The following TRIO variants were observed in gnomAD, a reference collection of about 807,000 sequenced individuals.
TRIO encodes triple functional domain protein.
TRIO carries 58 observed loss-of-function variants against 351.9 expected under a neutral mutation model. That is an observed-to-expected ratio of 0.16 (90% CI 0.13 to 0.21). The LOEUF is 0.21. Among genes scored for constraint, TRIO ranks in the 10% least tolerant of loss-of-function variants. The pLI, the probability that TRIO is intolerant of heterozygous loss-of-function variation, is 1.00. For missense variants in TRIO, 3,201 were observed against 4,027.8 expected (o/e 0.79, Z 5.56); for synonymous variants, 1,758 against 1,595.7 (o/e 1.10, Z -2.42).
At position 14,486,625 on chromosome 5, in the gene TRIO, A is replaced by G. The variant is rs117559366; in HGVS notation, c.6836-839A>G. On this transcript the variant is annotated intron_variant, in intron 47 of 56. Transcript: ENST00000344204. ...CTTTAAAATAGAATGAACTGCCCCC[A>G]GATTGCACGCATGGTCTGTGATGTC... Among the ~76,000 whole-genome samples, 7 of 152,302 alleles carry G rather than the reference A, an allele frequency of 4.6e-5. No individual in the cohort carries two copies. In the East Asian group the frequency reaches 1.2e-3, roughly 25 times the overall value.
chr5:14,193,975 C>G (rs1025901188), intron 1 of TRIO, among the ~76,000 whole-genome samples: 1 of 152,092 alleles, frequency 6.6e-6, no homozygotes, highest in Non-Finnish European at 1.5e-5. Context: ...CTTATCTTCC[C>G]GGTAGTTTTT....
chr5:14,278,444 A>G (rs6885284), intron 2 of TRIO, among the ~76,000 whole-genome samples: 2,469 of 152,324 alleles, frequency 0.016, 61 homozygotes, highest in African/African-American at 0.057. Flanking sequence ...CTGCATTTCA[A>G]ACACATTTTA....
intron 11 of TRIO, among the ~76,000 whole-genome samples, chr5:14,353,883 G>A (rs1579408383): frequency 6.6e-6 from 1 of 152,218 alleles, no homozygotes; most frequent in East Asian, 1.9e-4. Context: ...CTCTTCACCG[G>A]AGTGTAAAAA....
intron 19 of TRIO, among the ~76,000 whole-genome samples, chr5:14,374,868 T>A (rs1422925080): frequency 6.6e-6 from 1 of 151,994 alleles, no homozygotes. Flanking sequence ...GTGTAAGTGT[T>A]TAGAAAAAGG....
At chr5:14,406,814 G>A (rs936369974) in intron 33 of TRIO, 142 bp downstream of exon 33, 12 of 767,050 alleles carry the variant, frequency 1.6e-5, no homozygotes, top group Admixed American at 2.2e-5. Context: ...CCAGGATCCC[G>A]TGGTGGGGCA....
At chr5:14,210,919 T>G (rs1791850380) in intron 1 of TRIO, among the ~76,000 whole-genome samples, 1 of 150,006 alleles carries the variant, frequency 6.7e-6, no homozygotes, top group Non-Finnish European at 1.5e-5. Context: ...CCTTCTCCTC[T>G]CTGTCCTCTT....
intron 30 of TRIO, 100 bp downstream of exon 30, chr5:14,399,170 A>T (rs1372180966): frequency 8.8e-6 from 10 of 1,132,346 alleles, no homozygotes; most frequent in African/African-American, 1.5e-5. Context: ...TTAACCTCCC[A>T]ATCTGTCCTG....
chr5:14,468,934 C>T (rs1754478021), intron 37 of TRIO, among the ~76,000 whole-genome samples: 1 of 152,210 alleles, frequency 6.6e-6, no homozygotes, highest in South Asian at 2.1e-4. Context: ...ATTCATTCGT[C>T]TGGCTTACCT....
chr5:14,300,808 T>C, intron 7 of TRIO, among the ~76,000 whole-genome samples: 1 of 152,196 alleles, frequency 6.6e-6, no homozygotes, highest in Admixed American at 6.5e-5. Flanking sequence ...TAACAAACTG[T>C]TTCACACTTG....
chr5:14,409,954 AAC>A (rs1749059422), intron 33 of TRIO, among the ~76,000 whole-genome samples: 1 of 152,064 alleles, frequency 6.6e-6, no homozygotes, highest in Non-Finnish European at 1.5e-5. Context: ...GCCACGCAGC[AAC>A]ACTCACCCTG....
chr5:14,384,994 A>G (rs996895927), intron 21 of TRIO, among the ~76,000 whole-genome samples: 1 of 152,244 alleles, frequency 6.6e-6, no homozygotes, highest in Non-Finnish European at 1.5e-5. Flanking sequence ...GGCCTTCACC[A>G]TGAGATCATC....
Position 14,488,151 on chromosome 5 carries a change from C to T in TRIO, c.7523C>T (p.Ser2508Phe), listed in dbSNP as rs1294923975. 1 of 1,606,598 alleles carries T rather than the reference C, an allele frequency of 6.2e-7. No homozygotes were observed. Among genetic ancestry groups the T allele is most frequent in the Non-Finnish European group, 8.5e-7 (1 of 1,179,514 alleles). ...TTCACCTTCCCGGGGGACAGCGACT[C>T]CCTCCAGCGGCAGACACCCCGCCAC... ...GSFTFPGDSDSLQRQTPRHAA... is the reference protein window; with the variant it reads ...GSFTFPGDSDFLQRQTPRHAA... Residue 2508 changes from serine to phenylalanine, a missense_variant, in exon 48 of 57, where the codon TCC (serine) becomes TTC (phenylalanine). Around this residue, in one of 19 missense-constraint regions of TRIO, gnomAD observed 1,089 missense variants for 954.9 expected, o/e 1.14. Transcript: ENST00000344204.
chr5:14,356,632 A>C (rs536297155), intron 11 of TRIO, among the ~76,000 whole-genome samples: 24 of 152,322 alleles, frequency 1.6e-4, no homozygotes, highest in African/African-American at 5.8e-4. Context: ...ATTTATCTAA[A>C]AGGAAGGAAA....
chr5:14,366,563 G>C (rs1373513963), intron 15 of TRIO, among the ~76,000 whole-genome samples: 1 of 152,122 alleles, frequency 6.6e-6, no homozygotes, highest in Non-Finnish European at 1.5e-5. Flanking sequence ...CTAAAATATG[G>C]CCCATAATCT....
At chr5:14,454,376 G>A (rs1753083029) in intron 34 of TRIO, among the ~76,000 whole-genome samples, 1 of 152,222 alleles carries the variant, frequency 6.6e-6, no homozygotes, top group African/African-American at 2.4e-5. Context: ...TGAGAGATGA[G>A]TCGCTAGAAG....
At chr5:14,291,886 C>A (rs1736948549) in intron 5 of TRIO, among the ~76,000 whole-genome samples, 2 of 143,402 alleles carry the variant, frequency 1.4e-5, no homozygotes, top group South Asian at 4.7e-4. Context: ...TTTTTAAAAT[C>A]AAGATGAGTA....
chr5:14,342,435 G>T (rs1048783835), intron 11 of TRIO, among the ~76,000 whole-genome samples: 1 of 152,166 alleles, frequency 6.6e-6, no homozygotes, highest in Non-Finnish European at 1.5e-5. Context: ...GCTGCCCTCC[G>T]ATGGGTGCTC....
chr5:14,147,711 G>A (rs372647692), intron 1 of TRIO, among the ~76,000 whole-genome samples: 12 of 152,100 alleles, frequency 7.9e-5, no homozygotes, highest in Admixed American at 6.5e-4. Context: ...TTGATATGAC[G>A]GTTTCCTTGT....
chr5:14,388,763 C>A, intron 24 of TRIO, 84 bp downstream of exon 24: 1 of 1,428,138 alleles, frequency 7.0e-7, no homozygotes, highest in Non-Finnish European at 9.5e-7. Context: ...TGTTGGTAGT[C>A]CTTAGAATAA....
Sources: allele counts gnomAD v4.1 joint callset (sites outside exome capture counted in the v4.1 genomes callset), GRCh38; gene constraint gnomAD v4.1.1; regional missense constraint gnomAD v4.1.1; transcripts MANE v1.5; gene names NCBI Gene and HGNC (gene_info 2026-07-23, HGNC 2026-07-21).